The following DPY30 variants were observed in gnomAD, a reference collection of about 807,000 sequenced individuals.
DPY30 encodes dpy-30 histone methyltransferase complex regulatory subunit.
DPY30 carries 6 observed loss-of-function variants against 16.2 expected under a neutral mutation model. The observed-to-expected ratio is 0.37, with a 90% CI of 0.20 to 0.73. The LOEUF is 0.73. Ranked by LOEUF, DPY30 falls within the 30% of genes least tolerant of loss-of-function variation. The pLI is 0.51. For missense variants in DPY30, 73 were observed against 113.1 expected, an observed-to-expected ratio of 0.65 and a Z score of 1.61; for synonymous variants, 39 against 38.8, an observed-to-expected ratio of 1.00 and a Z score of -0.02.
intron 5 of DPY30, among the ~76,000 whole-genome samples, chr2:32,018,664 T>A (rs1425952969): frequency 1.4e-5 from 2 of 144,462 alleles, no homozygotes; most frequent in Admixed American, 7.0e-5. Context: ...GAGGTGGAGG[T>A]TGCAGAGAGC....
At position 32,029,730 on chromosome 2, in the gene DPY30, C is replaced by T. The variant is rs148626887; in HGVS notation, c.91G>A (p.Val31Ile). The T allele has an allele frequency of 6.7e-5, 108 of 1,614,014 alleles. No homozygotes were observed. In the East Asian group the frequency reaches 2.4e-3, roughly 35 times the overall value. The part of the protein sequence containing the change: ...YGLTDNVERI[V>I]ENEKINAEKS... ...TCTGCATTAATCTTCTCATTTTCTA[C>T]TATTCTCTAGTGAATTCAAAAAAAC... is the stretch of plus-strand genomic sequence containing the variant. The change falls in exon 4 of 5, where the codon GTA becomes ATA. Residue 31 changes from valine (V) to isoleucine (I), a missense_variant. Physicochemically the swap from Val to Ile is conservative, Grantham distance 29 (BLOSUM62 3). Coordinates refer to ENST00000342166, the MANE Select transcript of DPY30 (RefSeq NM_001321209.2).
intron 5 of DPY30, among the ~76,000 whole-genome samples, chr2:32,012,581 C>G (rs1213888288): frequency 6.6e-6 from 1 of 151,674 alleles, no homozygotes; most frequent in Non-Finnish European, 1.5e-5. Flanking sequence ...TGGGTGCCCA[C>G]CACCATCCAC....
chr2:32,036,161 T>A (rs1675729442), intron 3 of DPY30, among the ~76,000 whole-genome samples: 1 of 151,486 alleles, frequency 6.6e-6, no homozygotes, highest in Non-Finnish European at 1.5e-5. Context: ...ATTTTTTTTT[T>A]TAGATGGGGT....
chr2:32,031,252 T>C (rs1675528215), intron 3 of DPY30, among the ~76,000 whole-genome samples: 2 of 151,584 alleles, frequency 1.3e-5, no homozygotes, highest in Admixed American at 6.6e-5. Context: ...AAACCCCGTC[T>C]CTACTAATAA....
At chr2:32,023,321 T>C (rs1381789661), downstream of DPY30, 3 of 423,646 alleles carry the variant, frequency 7.1e-6, no homozygotes, top group African/African-American at 2.1e-5. Context: ...ACAATGAGAA[T>C]AGACCCCAAA....
chr2:32,029,645 T>C lies in DPY30; in HGVS notation c.176A>G (p.Gln59Arg). The C allele has an allele frequency of 6.2e-7, 1 of 1,613,996 alleles. No individual in the cohort carries two copies. The highest frequency in any genetic ancestry group is 8.5e-7 in the Non-Finnish European group (1 of 1,180,022). ...CTGTAATAAGATAGGCACAACTGTC[T>C]GATCCAGGTAGGCACGAGTTGGCAA... The part of the protein sequence containing the change: ...QSLPTRAYLD[Q>R]TVVPILLQGL... The change falls in exon 4 of 5, where the codon CAG (glutamine) becomes CGG (arginine). Residue 59 changes from glutamine to arginine, a missense_variant. Gln to Arg is a conservative substitution (Grantham distance 43). Transcript: ENST00000342166.
intron 3 of DPY30, among the ~76,000 whole-genome samples, chr2:32,032,282 T>C (rs990953475): frequency 4.6e-5 from 7 of 152,352 alleles, no homozygotes; most frequent in African/African-American, 1.4e-4. Context: ...AATTTTATTT[T>C]TCATTATTAA....
chr2:32,035,456 G>C (rs1025941633), intron 3 of DPY30, among the ~76,000 whole-genome samples: 2 of 151,552 alleles, frequency 1.3e-5, no homozygotes, highest in African/African-American at 4.9e-5. Flanking sequence ...CAAAAAATTA[G>C]CTGGGTTTGG....
chr2:32,023,946 A>G lies in DPY30; in HGVS notation c.*238T>C. 1 of 1,390,904 alleles carries G rather than the reference A, an allele frequency of 7.2e-7. No individual in the cohort carries two copies. Among genetic ancestry groups the G allele is most frequent in the Non-Finnish European group, 9.3e-7 (1 of 1,070,366 alleles). The allele number at this position is 1,390,904 out of a possible 1,614,324, so 86.2% of individuals were successfully genotyped here. ...TATTTTGAAGGTCATTTTAAAAACA[A>G]AGTTAAAGACAATCTGAGAAAAAAA... On this transcript the variant is annotated 3_prime_UTR_variant, in exon 5 of 5. Transcript: ENST00000342166.
intron 5 of DPY30, among the ~76,000 whole-genome samples, chr2:32,018,794 C>T (rs1016488943): frequency 7.2e-5 from 11 of 151,820 alleles, no homozygotes; most frequent in African/African-American, 2.4e-4. Flanking sequence ...CAAAGGCGGG[C>T]GATTGCTTGA....
chr2:32,038,490 GCTCACTGCAGC>G (rs1675839977), intron 3 of DPY30, among the ~76,000 whole-genome samples: 1 of 150,994 alleles, frequency 6.6e-6, no homozygotes, highest in Non-Finnish European at 1.5e-5. Flanking sequence ...TGCGATCATA[GCTCACTGCAGC>G]CTCAACCTCC....
At chr2:32,024,401 G>C in intron 4 of DPY30, 145 bp from the exon 5 acceptor site, 1 of 661,968 alleles carries the variant, frequency 1.5e-6, no homozygotes, top group South Asian at 2.2e-5. Flanking sequence ...TAAAATAAAT[G>C]AGATAAGCAA....
intron 5 of DPY30, among the ~76,000 whole-genome samples, chr2:32,016,327 TA>T (rs1334503509): frequency 6.6e-6 from 1 of 152,232 alleles, no homozygotes; most frequent in Admixed American, 6.5e-5. Context: ...TTTTATTTTT[TA>T]ATAAGTGGAT....
chr2:32,024,063 G>C lies in DPY30; in HGVS notation c.*121C>G. 4 of 1,506,296 alleles carry C rather than the reference G, an allele frequency of 2.7e-6. No individual in the cohort carries two copies. The highest frequency in any genetic ancestry group is 3.5e-6 in the Non-Finnish European group (4 of 1,134,950). 93.3% of individuals were successfully genotyped at this position (1,506,296 alleles called of 1,614,324 possible). On this transcript the variant is annotated 3_prime_UTR_variant, in exon 5 of 5. Transcript: ENST00000342166. The stretch of plus-strand genomic sequence containing the variant: ...TTATCTTCTGCAATTCCAGAAATAG[G>C]TTCTGTTGTCCGGAAGGTTCTTATA...
Position 32,039,271 on chromosome 2 carries a change from C to A in DPY30, c.84+8G>T, listed in dbSNP as rs771014701. The A allele has an allele frequency of 3.1e-6, 5 of 1,614,180 alleles. No individual in the cohort carries two copies. Among genetic ancestry groups the A allele is most frequent in the Non-Finnish European group, 3.4e-6 (4 of 1,180,030 alleles). On this transcript the variant is annotated splice_region_variant and intron_variant, in intron 3 of 4. Coordinates refer to ENST00000342166, the MANE Select transcript of DPY30 (RefSeq NM_001321209.2). Reference sequence around the variant, plus strand: ...ACACAGATGAGGCATAGGAACTTGGCGAGTTACCTCAACGTTGTCTGTGAG... The same window carrying A: ...ACACAGATGAGGCATAGGAACTTGGAGAGTTACCTCAACGTTGTCTGTGAG...
chr2:32,033,363 T>C (rs1436088970), intron 3 of DPY30, among the ~76,000 whole-genome samples: 1 of 149,322 alleles, frequency 6.7e-6, no homozygotes, highest in East Asian at 2.0e-4. Context: ...ATGCCTACAA[T>C]AGGAAAGCCA....
chr2:32,023,767 A>T (rs1427265589), downstream of DPY30: 1 of 1,305,014 alleles, frequency 7.7e-7, no homozygotes, highest in African/African-American at 1.5e-5. Flanking sequence ...TGAATTTTTT[A>T]AATTATACTT....
At chr2:32,026,450 C>T (rs565845794) in intron 4 of DPY30, among the ~76,000 whole-genome samples, 6 of 152,054 alleles carry the variant, frequency 3.9e-5, no homozygotes, top group South Asian at 2.1e-4. Flanking sequence ...AATGTATTTA[C>T]GAGCTTGAAC....
At position 32,026,540 on chromosome 2, in the gene DPY30, C is replaced by T. The variant is rs147059585; in HGVS notation, c.228-2284G>A. 2.2e-3 allele frequency among the ~76,000 whole-genome samples: 341 copies of T among 152,280 alleles called. 7 individuals carry two copies. The East Asian group carries it at 0.056, about 25-fold the overall frequency. ...GTGTAATGGCTCATGCCTGTAATCCCAACACTTCAGGAGGCCGAGGCAGGC... is the reference window on the plus strand; with the variant it reads ...GTGTAATGGCTCATGCCTGTAATCCTAACACTTCAGGAGGCCGAGGCAGGC... On this transcript the variant is annotated intron_variant, in intron 4 of 4. Transcript: ENST00000342166.
Sources: allele counts gnomAD v4.1 joint callset (sites outside exome capture counted in the v4.1 genomes callset), GRCh38; gene constraint gnomAD v4.1.1; transcripts MANE v1.5; gene names NCBI Gene and HGNC (gene_info 2026-07-23, HGNC 2026-07-21).